CYFIP1: variants seen among roughly 807,000 people sequenced by gnomAD.
CYFIP1 encodes the protein cytoplasmic FMR1-interacting protein 1.
A neutral mutation model predicts 163.5 loss-of-function variants in CYFIP1; 58 were observed. The observed-to-expected ratio is 0.35, with a 90% CI of 0.29 to 0.44. The LOEUF is 0.44. Among genes scored for constraint, CYFIP1 ranks in the 20% least tolerant of loss-of-function variants. The probability of loss-of-function intolerance (pLI) is 1.00; values close to 1 mark genes in which losing one functional copy is unlikely to be tolerated. For missense variants in CYFIP1, 1,338 were observed against 1,653.8 expected, an observed-to-expected ratio of 0.81 and a Z score of 3.31; for synonymous variants, 663 against 660.7, an observed-to-expected ratio of 1.00 and a Z score of -0.05.
At chr15:22,963,481 ACT>A (rs1052070288) in intron 1 of CYFIP1, among the ~76,000 whole-genome samples, 47 of 142,608 alleles carry the variant, frequency 3.3e-4, no homozygotes, top group Middle Eastern at 3.5e-3. Context: ...CAAGAGCAAA[ACT>A]CTGTTTCAAA....
intron 25 of CYFIP1, among the ~76,000 whole-genome samples, chr15:22,880,291 C>T (rs1198550516): frequency 6.6e-6 from 1 of 152,200 alleles, no homozygotes. Flanking sequence ...AACCTCATAT[C>T]TTTAGGGAAG....
rs541693635 is a variant in CYFIP1 at position 22,912,229 on chromosome 15, C to T, written c.2032G>A (p.Ala678Thr). ...LDLYNDSAHY[A>T]LTRFNKQFLY... ...AACTGCTTGTTGAACCTGGTGAGCG[C>T]GTAGTGGGCGCTGTCATTGTACAGG... Residue 678 changes from alanine to threonine, a missense_variant, in exon 18 of 31, where the codon GCG (alanine) becomes ACG (threonine). By Grantham distance (58) the Ala-to-Thr change is moderately conservative. Coordinates refer to ENST00000617928, the MANE Select transcript of CYFIP1 (RefSeq NM_014608.6). The T allele has an allele frequency of 1.6e-5, 26 of 1,614,006 alleles. No individual in the cohort carries two copies. Among genetic ancestry groups the T allele is most frequent in the African/African-American group, 4.0e-5 (3 of 75,058 alleles).
At chr15:22,905,610 T>C (rs1458102086) in intron 21 of CYFIP1, among the ~76,000 whole-genome samples, 1 of 151,840 alleles carries the variant, frequency 6.6e-6, no homozygotes, top group Admixed American at 6.6e-5. Context: ...GGTTAATTTA[T>C]TGTATTTTTT....
chr15:22,946,680 A>C, intron 3 of CYFIP1: 1 of 450,560 alleles, frequency 2.2e-6, no homozygotes. Context: ...CAATTCATTT[A>C]TAAATCTAAA....
intron 4 of CYFIP1, 62 bp from the exon 5 acceptor site, chr15:22,944,721 G>A: frequency 6.5e-7 from 1 of 1,537,560 alleles, no homozygotes; most frequent in South Asian, 1.1e-5. Flanking sequence ...CAGCCGCTGG[G>A]CTTCTAGAGC....
rs1236388864 is a variant in CYFIP1, at chr15:22,914,843, A to G, written c.1868T>C (p.Phe623Ser). 6.2e-7 allele frequency: 1 copy of G among 1,613,442 alleles called. No homozygotes were observed. Among genetic ancestry groups the G allele is most frequent in the Non-Finnish European group, 8.5e-7 (1 of 1,179,752 alleles). ...GGTCAGCTCCAGGAAGAACTCTCGG[A>G]ACCACAGCTGCGAAAGGTCACAGCA... ...QQCCDLSQLW[F>S]REFFLELTMG... Residue 623 changes from phenylalanine to serine, a missense_variant, in exon 17 of 31, where the codon TTC (phenylalanine) becomes TCC (serine). Coordinates refer to ENST00000617928, the MANE Select transcript of CYFIP1 (RefSeq NM_014608.6).
At chr15:22,909,046 C>T in intron 21 of CYFIP1, 148 bp downstream of exon 21, 2 of 998,036 alleles carry the variant, frequency 2.0e-6, no homozygotes, top group Non-Finnish European at 2.9e-6. Context: ...TTGGTATAGG[C>T]CACGCCCAGT....
rs1032009157 is a variant in CYFIP1 at position 22,869,977 on chromosome 15, T to A, written c.*51A>T. On this transcript the variant is annotated 3_prime_UTR_variant, in exon 31 of 31. Transcript: ENST00000617928. ...GTCCCTAAAAATCTCACTAAATAGT[T>A]TACGGAGAGAAAGGCATGCCATGTT... 10 of 1,502,550 alleles carry A rather than the reference T, an allele frequency of 6.7e-6. No homozygotes were observed. The highest frequency in any genetic ancestry group is 8.9e-6 in the Non-Finnish European group (10 of 1,127,904). 93.1% of individuals were successfully genotyped at this position (1,502,550 alleles called of 1,614,324 possible).
intron 6 of CYFIP1, among the ~76,000 whole-genome samples, chr15:22,942,868 C>G (rs764719049): frequency 1.3e-5 from 2 of 152,190 alleles, no homozygotes; most frequent in African/African-American, 2.4e-5. Context: ...GCTCTGTGAG[C>G]TAGGCCTACA....
intron 21 of CYFIP1, 29 bp from the exon 22 acceptor site, chr15:22,903,934 C>G: frequency 1.2e-6 from 2 of 1,607,186 alleles, no homozygotes; most frequent in Non-Finnish European, 1.7e-6. Flanking sequence ...GGGTGGGTGA[C>G]AGAGCTGGTC....
intron 13 of CYFIP1, among the ~76,000 whole-genome samples, chr15:22,921,713 C>G (rs1377591105): frequency 2.1e-5 from 3 of 141,044 alleles, no homozygotes; most frequent in Non-Finnish European, 4.5e-5. Flanking sequence ...TTGCAGTAAG[C>G]TGAGATTGTG....
rs1399622270 is a variant in CYFIP1, at chr15:22,903,748, T to C, written c.2546A>G (p.Tyr849Cys). 1.9e-6 allele frequency: 3 copies of C among 1,613,932 alleles called. No individual in the cohort carries two copies. Among genetic ancestry groups the C allele is most frequent in the Admixed American group, 1.7e-5 (1 of 60,000 alleles). ...GTAGCAGTAGTTGGGCAGGAAGTCATAGTTGAGCTCCCAGAAGACGTGCAG... is the reference window on the plus strand; with the variant it reads ...GTAGCAGTAGTTGGGCAGGAAGTCACAGTTGAGCTCCCAGAAGACGTGCAG... Reference protein sequence around the residue: ...ITLHVFWELNYDFLPNYCYNG... With the variant: ...ITLHVFWELNCDFLPNYCYNG... Residue 849 changes from tyrosine (Y) to cysteine (C), a missense_variant, in exon 22 of 31, where the codon TAT becomes TGT. Tyr to Cys is a radical substitution (Grantham distance 194). Transcript: ENST00000617928.
chr15:22,961,372 T>C (rs2062676571), intron 1 of CYFIP1, among the ~76,000 whole-genome samples: 1 of 152,130 alleles, frequency 6.6e-6, no homozygotes, highest in Admixed American at 6.5e-5. Flanking sequence ...TTTCTATGCA[T>C]TAACCAGTTT....
At position 22,903,842 on chromosome 15, in the gene CYFIP1, G is replaced by T. The variant is rs1199747104; in HGVS notation, c.2452C>A (p.Leu818Met). Residue 818 changes from leucine to methionine, a missense_variant, in exon 22 of 31, where the codon CTG becomes ATG. Physicochemically the swap from Leu to Met is conservative, Grantham distance 15. This residue lies in a region of CYFIP1 where 824 missense variants were observed against 995.7 expected (regional missense o/e 0.83). Transcript: ENST00000617928. ...CGGAACATGGCGTCGAAGCCGTCCA[G>T]CGTCAGGTACCGGCTCAGCAGCTTG... ...THKLLSRYLTLDGFDAMFREA... is the reference protein window; with the variant it reads ...THKLLSRYLTMDGFDAMFREA... The T allele has an allele frequency of 6.2e-7, 1 of 1,614,198 alleles. No individual in the cohort carries two copies. The highest frequency in any genetic ancestry group is 8.5e-7 in the Non-Finnish European group (1 of 1,180,042).
Position 22,882,855 on chromosome 15 carries a change from A to C in CYFIP1, c.2820+13T>G, listed in dbSNP as rs2059806648. On this transcript the variant is annotated intron_variant, in intron 24 of 30. Coordinates refer to ENST00000617928, the MANE Select transcript of CYFIP1 (RefSeq NM_014608.6). Reference sequence around the variant, plus strand: ...CAGGCTGTGTGAAAGAAGCATGTCCAGGGAACACTCACCAGGCTCTTGACG... The same window carrying C: ...CAGGCTGTGTGAAAGAAGCATGTCCCGGGAACACTCACCAGGCTCTTGACG... The C allele has an allele frequency of 6.2e-7, 1 of 1,610,218 alleles. No individual in the cohort carries two copies. Among genetic ancestry groups the C allele is most frequent in the African/African-American group, 1.3e-5 (1 of 74,860 alleles).
intron 1 of CYFIP1, among the ~76,000 whole-genome samples, chr15:22,968,115 G>A (rs772338375): frequency 2.6e-5 from 4 of 151,830 alleles, no homozygotes; most frequent in African/African-American, 7.3e-5. Context: ...CAGCTTGGGC[G>A]ACACAGCGAG....
rs762371501 is a variant in CYFIP1, at chr15:22,873,467, G to C, written c.3449+24C>G. 3.1e-6 allele frequency: 5 copies of C among 1,594,226 alleles called. No individual in the cohort carries two copies. The East Asian group carries it at 6.7e-5, about 21-fold the overall frequency. On this transcript the variant is annotated intron_variant, in intron 29 of 30. Transcript: ENST00000617928. Reference sequence around the variant, plus strand: ...AGCTCCTCCCCTCCTCTGGGGCTTTGTCCTGCTCTCAGCACACACTTACTC... The same window carrying C: ...AGCTCCTCCCCTCCTCTGGGGCTTTCTCCTGCTCTCAGCACACACTTACTC...
At chr15:22,938,802 C>G (rs1227140412) in intron 8 of CYFIP1, among the ~76,000 whole-genome samples, 1 of 151,338 alleles carries the variant, frequency 6.6e-6, no homozygotes, top group African/African-American at 2.4e-5. Flanking sequence ...ACTTAGGAGG[C>G]TGAGGTGGGA....
intron 22 of CYFIP1, among the ~76,000 whole-genome samples, chr15:22,898,485 A>G (rs2060300710): frequency 6.6e-6 from 1 of 152,138 alleles, no homozygotes; most frequent in African/African-American, 2.4e-5. Context: ...ATTTGATAAC[A>G]AATATTGAAC....
Sources: gnomAD v4.1 joint callset for allele counts (sites outside exome capture counted in the v4.1 genomes callset) on GRCh38, gnomAD v4.1.1 for gene constraint, gnomAD v4.1.1 regional missense constraint, MANE v1.5 for transcripts, NCBI Gene and HGNC (gene_info 2026-07-23, HGNC 2026-07-21) for gene names.